PTK2: variants seen among roughly 807,000 people sequenced by gnomAD.
The protein encoded by PTK2 is protein tyrosine kinase 2, also known as focal adhesion kinase 1.
Under a neutral mutation model 150.1 loss-of-function variants are expected in PTK2, and 45 were observed. The observed-to-expected ratio is 0.30, with a 90% CI of 0.24 to 0.38. The LOEUF (loss-of-function observed/expected upper bound fraction) is 0.38, where lower values mean the gene tolerates loss of function less well. Among genes scored for constraint, PTK2 ranks in the 10% least tolerant of loss-of-function variants. The pLI, the probability that PTK2 is intolerant of heterozygous loss-of-function variation, is 1.00. For missense variants in PTK2, 919 were observed against 1,307.3 expected (o/e 0.70, Z 4.58); for synonymous variants, 432 against 449.2 (o/e 0.96, Z 0.48).
At chr8:140,674,201 C>G (rs1363377184) in intron 29 of PTK2, 97 bp downstream of exon 32, 1 of 1,233,244 alleles carries the variant, frequency 8.1e-7, no homozygotes. Context: ...CTATTTTCAG[C>G]ACCAACTCCA....
At chr8:140,951,979 A>C (rs1490541851) in intron 1 of PTK2, among the ~76,000 whole-genome samples, 1 of 151,528 alleles carries the variant, frequency 6.6e-6, no homozygotes, top group Non-Finnish European at 1.5e-5. Flanking sequence ...TTGTCATCTC[A>C]CCTCTCTTTA....
chr8:140,871,260 A>G (rs2100142351), intron 4 of PTK2, among the ~76,000 whole-genome samples: 1 of 152,254 alleles, frequency 6.6e-6, no homozygotes, highest in Non-Finnish European at 1.5e-5. Flanking sequence ...ATCTGATGTT[A>G]AAATATGAAA....
chr8:140,975,593 C>T (rs530022512), intron 1 of PTK2, among the ~76,000 whole-genome samples: 4 of 151,778 alleles, frequency 2.6e-5, no homozygotes, highest in East Asian at 1.9e-4. Context: ...ATTATTAAAG[C>T]GTTGAGGAGA....
intron 1 of PTK2, among the ~76,000 whole-genome samples, chr8:140,956,376 C>T (rs1430190222): frequency 6.6e-6 from 1 of 152,234 alleles, no homozygotes; most frequent in East Asian, 1.9e-4. Flanking sequence ...TAATACATTA[C>T]TCACGCGTTT....
chr8:140,681,755 C>G (rs937462310), intron 27 of PTK2, among the ~76,000 whole-genome samples: 2 of 151,790 alleles, frequency 1.3e-5, no homozygotes, highest in South Asian at 4.2e-4. Flanking sequence ...CCAGCCTGGG[C>G]CACAGAGCGA....
intron 15 of PTK2, among the ~76,000 whole-genome samples, chr8:140,763,443 AT>A (rs954801423): frequency 2.0e-4 from 29 of 148,472 alleles, no homozygotes; most frequent in African/African-American, 2.9e-4. Context: ...GGCAGGTTTA[AT>A]TTTTTTTTTT....
intron 2 of PTK2, among the ~76,000 whole-genome samples, chr8:140,902,535 ACT>A (rs1267251036): frequency 1.3e-5 from 2 of 152,208 alleles, no homozygotes; most frequent in African/African-American, 2.4e-5. Context: ...GAATTGCCAC[ACT>A]GTCTTCCACA....
chr8:140,941,110 C>T (rs930151317), intron 1 of PTK2, among the ~76,000 whole-genome samples: 1 of 152,162 alleles, frequency 6.6e-6, no homozygotes, highest in Non-Finnish European at 1.5e-5. Context: ...TGAATGACTG[C>T]CACCTGGGCT....
At chr8:140,910,363 T>C (rs1327542954) in intron 2 of PTK2, among the ~76,000 whole-genome samples, 3 of 152,062 alleles carry the variant, frequency 2.0e-5, no homozygotes, top group African/African-American at 7.2e-5. Flanking sequence ...TCTCTCAATA[T>C]AACAGTTTTT....
intron 16 of PTK2, among the ~76,000 whole-genome samples, chr8:140,759,567 G>C (rs936946883): frequency 7.5e-6 from 1 of 133,022 alleles, no homozygotes; most frequent in African/African-American, 2.8e-5. Context: ...AAGAAAGAAA[G>C]AAAAAGTTGG....
intron 17 of PTK2, among the ~76,000 whole-genome samples, chr8:140,747,442 AG>A (rs1452522271): frequency 1.2e-3 from 25 of 21,730 alleles, no homozygotes; most frequent in East Asian, 2.5e-3. Context: ...AGGAGAAGAA[AG>A]GGGGGGGGAA....
intron 3 of PTK2, 39 bp from the exon 4 acceptor site, chr8:140,879,676 G>GAAAAAAAAAAAAAAAAAAAAAAAAATAA: frequency 3.2e-5 from 1 of 31,602 alleles, no homozygotes; most frequent in Non-Finnish European, 4.8e-5. Flanking sequence ...GTTATAAACT[G>GAAAAAAAAAAAAAAAAAAAAAAAAATAA]AAAAAAAAAA....
intron 11 of PTK2, among the ~76,000 whole-genome samples, chr8:140,800,913 A>G (rs1379533154): frequency 1.3e-5 from 2 of 152,240 alleles, no homozygotes; most frequent in Admixed American, 1.3e-4. Flanking sequence ...TCAGTAAGTT[A>G]AAGTATGACT....
At chr8:140,831,577 T>C (rs893816072) in intron 7 of PTK2, among the ~76,000 whole-genome samples, 2 of 152,230 alleles carry the variant, frequency 1.3e-5, no homozygotes, top group South Asian at 2.1e-4. Context: ...TGCTAGTAGT[T>C]CCTAAGCCAA....
At chr8:140,992,027 C>T (rs907811312) in intron 1 of PTK2, among the ~76,000 whole-genome samples, 5 of 152,132 alleles carry the variant, frequency 3.3e-5, no homozygotes, top group African/African-American at 9.7e-5. Context: ...CACAGTGGCT[C>T]ATGCCCATAA....
At chr8:140,804,257 G>A (rs944955700) in intron 10 of PTK2, among the ~76,000 whole-genome samples, 2 of 146,412 alleles carry the variant, frequency 1.4e-5, no homozygotes, top group African/African-American at 2.5e-5. Context: ...TTCTATTACT[G>A]CTGCACAAAT....
chr8:140,698,029 C>T (rs899377686), intron 26 of PTK2, among the ~76,000 whole-genome samples: 4 of 151,966 alleles, frequency 2.6e-5, no homozygotes, highest in African/African-American at 9.7e-5. Flanking sequence ...CCGCACTCTT[C>T]GCTCTTCCTG....
At chr8:140,987,073 A>C (rs2100193537) in intron 1 of PTK2, among the ~76,000 whole-genome samples, 1 of 152,206 alleles carries the variant, frequency 6.6e-6, no homozygotes, top group African/African-American at 2.4e-5. Context: ...GAAAATGAAA[A>C]AGCCAGCCAT....
chr8:140,988,728 C>CAAAAAAAA (rs71310814), intron 1 of PTK2, among the ~76,000 whole-genome samples: 2 of 69,962 alleles, frequency 2.9e-5, no homozygotes, highest in Non-Finnish European at 5.2e-5. Flanking sequence ...GACTCCATCC[C>CAAAAAAAA]AAAAAAAAAA....
Sources: allele counts gnomAD v4.1 joint callset (sites outside exome capture counted in the v4.1 genomes callset), GRCh38; gene constraint gnomAD v4.1.1; transcripts MANE v1.5; gene names NCBI Gene and HGNC (gene_info 2026-07-23, HGNC 2026-07-21).